The following PTPRN2 variants were observed in gnomAD, a reference collection of about 807,000 sequenced individuals.
PTPRN2 encodes receptor-type tyrosine-protein phosphatase N2.
In PTPRN2, 74 loss-of-function variants were observed where a neutral mutation model predicts 118.8. The ratio of observed to expected loss-of-function variants is 0.62; its 90% CI spans 0.52 to 0.76. PTPRN2 has a LOEUF of 0.76. Ranked by LOEUF, PTPRN2 falls within the 30% of genes least tolerant of loss-of-function variation. The probability of loss-of-function intolerance (pLI) is 0.00; values close to 1 mark genes in which losing one functional copy is unlikely to be tolerated. For missense variants in PTPRN2, 1,481 were observed against 1,394.4 expected (o/e 1.06, Z -0.99); for synonymous variants, 641 against 608.0 (o/e 1.05, Z -0.80).
intron 12 of PTPRN2, among the ~76,000 whole-genome samples, chr7:157,875,884 G>T (rs1327840079): frequency 6.7e-6 from 1 of 148,896 alleles, no homozygotes; most frequent in Non-Finnish European, 1.5e-5. Flanking sequence ...GTCAGGAGGG[G>T]CCGAGCCCCA....
intron 13 of PTPRN2, among the ~76,000 whole-genome samples, chr7:157,678,140 CT>C (rs1183921869): frequency 6.6e-6 from 1 of 152,134 alleles, no homozygotes; most frequent in African/African-American, 2.4e-5. Flanking sequence ...TACTTGTAAA[CT>C]ATTTGGCACA....
Position 158,073,865 on chromosome 7 carries a change from C to T in PTPRN2, c.1723+7433G>A, listed in dbSNP as rs1034667607. Among the ~76,000 whole-genome samples the T allele has an allele frequency of 3.9e-5, 6 of 152,220 alleles. No homozygotes were observed. The East Asian group carries it at 5.8e-4, about 15-fold the overall frequency. On this transcript the variant is annotated intron_variant, in intron 11 of 22. Coordinates refer to ENST00000389418, the MANE Select transcript of PTPRN2 (RefSeq NM_002847.5). ...ACAGCAAAACAGAGAGCCAAGTGGA[C>T]AGCAGGCTCCTCCAGCAAAACCTGA...
intron 11 of PTPRN2, among the ~76,000 whole-genome samples, chr7:157,984,969 C>T (rs1422025028): frequency 1.3e-5 from 2 of 152,160 alleles, no homozygotes; most frequent in African/African-American, 4.8e-5. Flanking sequence ...CGGTGCTACT[C>T]CCCTGGCTGA....
chr7:157,563,270 G>A (rs1373070778), intron 21 of PTPRN2, among the ~76,000 whole-genome samples: 8 of 129,006 alleles, frequency 6.2e-5, no homozygotes, highest in African/African-American at 1.5e-4. Flanking sequence ...TCAGGACCAC[G>A]TGCTCCCACG....
intron 2 of PTPRN2, among the ~76,000 whole-genome samples, chr7:158,356,945 A>C (rs1160416733): frequency 6.6e-6 from 1 of 152,216 alleles, no homozygotes; most frequent in African/African-American, 2.4e-5. Context: ...CCTGGGCCCC[A>C]GCACAGGGTC....
chr7:157,801,178 G>A lies in PTPRN2; in HGVS notation c.1788+97495C>T, dbSNP rs897474760. ...CTTATGTGGTGTCACAATGCGTCTT[G>A]TGCCTCTCATCTGATTCCGCTACAC... is the stretch of plus-strand genomic sequence containing the variant. On this transcript the variant is annotated intron_variant, in intron 12 of 22. Transcript: ENST00000389418. The surrounding 1 kb of genome is among the most constrained non-coding windows in gnomAD (Gnocchi z 4.2). Among the ~76,000 whole-genome samples, 4 of 151,976 alleles carry A rather than the reference G, an allele frequency of 2.6e-5. No individual in the cohort carries two copies. Among genetic ancestry groups the A allele is most frequent in the African/African-American group, 9.7e-5 (4 of 41,364 alleles).
chr7:157,606,171 C>T (rs532238159), intron 15 of PTPRN2, among the ~76,000 whole-genome samples: 67 of 152,354 alleles, frequency 4.4e-4, no homozygotes, highest in African/African-American at 1.5e-3. Context: ...TGACAGCGCC[C>T]GGGCTCAGCC....
At chr7:157,541,760 C>T (rs952363688) in intron 22 of PTPRN2, among the ~76,000 whole-genome samples, 8 of 152,188 alleles carry the variant, frequency 5.3e-5, no homozygotes, top group South Asian at 2.1e-4. Context: ...AAGCCAAAAA[C>T]GATGATTAAT....
chr7:158,529,251 C>T lies in PTPRN2; in HGVS notation c.113-39466G>A, dbSNP rs1563400895. 5.3e-5 allele frequency among the ~76,000 whole-genome samples: 8 copies of T among 152,228 alleles called. No homozygotes were observed. Among genetic ancestry groups the T allele is most frequent in the Admixed American group, 2.6e-4 (4 of 15,284 alleles). ...CTAACGCTGATGGGAGGAGCAGCTG[C>T]GTGCATATTTACTTCTGAATATTTT... On this transcript the variant is annotated intron_variant, in intron 1 of 22. Transcript: ENST00000389418. The surrounding 1 kb of genome is among the most constrained non-coding windows in gnomAD (Gnocchi z 4.7).
At chr7:157,666,345 T>A (rs1796135217) in intron 13 of PTPRN2, among the ~76,000 whole-genome samples, 2 of 151,864 alleles carry the variant, frequency 1.3e-5, no homozygotes, top group South Asian at 4.2e-4. Context: ...ATTAAGAAAA[T>A]TATTAAGGAT....
At chr7:158,543,906 A>T (rs1187287175) in intron 1 of PTPRN2, among the ~76,000 whole-genome samples, 1 of 152,230 alleles carries the variant, frequency 6.6e-6, no homozygotes, top group Non-Finnish European at 1.5e-5. Flanking sequence ...GCCCCTGCCC[A>T]CAAGGCAACC....
chr7:157,651,165 T>C (rs1805631265), intron 14 of PTPRN2, among the ~76,000 whole-genome samples: 1 of 152,194 alleles, frequency 6.6e-6, no homozygotes, highest in South Asian at 2.1e-4. Flanking sequence ...CTCAGCAAAA[T>C]TCATGAACTT....
In PTPRN2 at chr7:157,585,949, C is replaced by T. The variant is rs1165763244; in HGVS notation, c.2497-7809G>A. On this transcript the variant is annotated intron_variant, in intron 17 of 22. Transcript: ENST00000389418. The surrounding 1 kb of genome is among the most constrained non-coding windows in gnomAD (Gnocchi z 5.2). ...ACTGACCGACCATCTTTGCACTGTC[C>T]CAGGCAGAACCATGGACAAGCTTTG... 6.6e-6 allele frequency among the ~76,000 whole-genome samples: 1 copy of T among 152,136 alleles called. No homozygotes were observed. The highest frequency in any genetic ancestry group is 1.5e-5 in the Non-Finnish European group (1 of 68,024).
chr7:158,181,852 T>C (rs1824737844), intron 5 of PTPRN2, among the ~76,000 whole-genome samples: 1 of 152,230 alleles, frequency 6.6e-6, no homozygotes, highest in Non-Finnish European at 1.5e-5. Context: ...ATTTTGTTTA[T>C]ATTTTCAAAA....
chr7:157,817,210 C>G (rs1301365125), intron 12 of PTPRN2, among the ~76,000 whole-genome samples: 3 of 152,242 alleles, frequency 2.0e-5, no homozygotes, highest in Non-Finnish European at 2.9e-5. Context: ...CACTTGTGCT[C>G]TTAGGAGAGG....
intron 2 of PTPRN2, among the ~76,000 whole-genome samples, chr7:158,483,370 CAATA>C (rs1269265764): frequency 6.6e-6 from 1 of 152,218 alleles, no homozygotes; most frequent in Non-Finnish European, 1.5e-5. Flanking sequence ...TCCACTCACT[CAATA>C]AATAATTTCC....
At chr7:158,358,769 A>G (rs1335321555) in intron 2 of PTPRN2, among the ~76,000 whole-genome samples, 1 of 152,220 alleles carries the variant, frequency 6.6e-6, no homozygotes, top group Non-Finnish European at 1.5e-5. Context: ...CAGAAGGTAC[A>G]CTGAGTGCAG....
chr7:157,711,736 G>A (rs1798633541), intron 12 of PTPRN2, among the ~76,000 whole-genome samples: 1 of 152,138 alleles, frequency 6.6e-6, no homozygotes, highest in South Asian at 2.1e-4. Context: ...TCACTGGGAC[G>A]CAGCAGTTCT....
chr7:158,486,894 C>T (rs1042746131), intron 2 of PTPRN2, among the ~76,000 whole-genome samples: 5 of 152,212 alleles, frequency 3.3e-5, no homozygotes, highest in African/African-American at 2.4e-5. Flanking sequence ...ACTCTTCCAT[C>T]GTCCCAAACT....
Sources: gnomAD v4.1 joint callset for allele counts (sites outside exome capture counted in the v4.1 genomes callset) on GRCh38, gnomAD v4.1.1 for gene constraint, Gnocchi (gnomAD v3.1) non-coding constraint, MANE v1.5 for transcripts, NCBI Gene and HGNC (gene_info 2026-07-23, HGNC 2026-07-21) for gene names.